The following TBC1D5 variants were observed in gnomAD, a reference collection of about 807,000 sequenced individuals.
TBC1D5 encodes TBC1 domain family member 5.
TBC1D5 carries 75 observed loss-of-function variants against 100.3 expected under a neutral mutation model. The ratio of observed to expected loss-of-function variants is 0.75; its 90% confidence interval spans 0.62 to 0.91. The LOEUF is 0.91. TBC1D5 is among the 40% of genes least tolerant of loss of function. The probability of loss-of-function intolerance (pLI) is 0.00; values close to 1 mark genes in which losing one functional copy is unlikely to be tolerated. For synonymous variants in TBC1D5, 323 were observed against 325.6 expected (o/e 0.99, Z 0.09); for missense variants, 910 against 942.4 (o/e 0.97, Z 0.45).
intron 1 of TBC1D5, among the ~76,000 whole-genome samples, chr3:17,735,566 G>A (rs2076897916): frequency 6.6e-6 from 1 of 152,212 alleles, no homozygotes; most frequent in Admixed American, 6.5e-5. Context: ...TCCAAGGAAT[G>A]GAACCTTGGG....
intron 1 of TBC1D5, among the ~76,000 whole-genome samples, chr3:17,636,635 A>C (rs1224839913): frequency 6.6e-6 from 1 of 151,848 alleles, no homozygotes; most frequent in African/African-American, 2.4e-5. Context: ...ACTAAAAATA[A>C]AAAATAAAAA....
intron 16 of TBC1D5, among the ~76,000 whole-genome samples, chr3:17,242,105 T>C (rs995700179): frequency 1.3e-5 from 2 of 152,216 alleles, no homozygotes; most frequent in African/African-American, 4.8e-5. Context: ...ACTTGATGTC[T>C]TGCAGCCTGG....
exon 22 of TBC1D5, chr3:17,160,055 T>A (rs79858279): frequency 6.8e-6 from 1 of 146,336 alleles, no homozygotes; most frequent in African/African-American, 2.4e-5. Context: ...AAACTGACTG[T>A]CTGAAAGATG....
intron 9 of TBC1D5, among the ~76,000 whole-genome samples, chr3:17,379,742 AC>A (rs1396221582): frequency 6.6e-6 from 1 of 152,068 alleles, no homozygotes; most frequent in Admixed American, 6.6e-5. Context: ...TTATACATAC[AC>A]CTGTATGACA....
intron 2 of TBC1D5, among the ~76,000 whole-genome samples, chr3:17,538,750 G>C (rs2153414285): frequency 6.6e-6 from 1 of 152,262 alleles, no homozygotes; most frequent in Admixed American, 6.5e-5. Flanking sequence ...CTAAAGACTA[G>C]AAACCCAGTC....
At chr3:17,267,026 C>T (rs2078917822) in intron 15 of TBC1D5, among the ~76,000 whole-genome samples, 1 of 152,104 alleles carries the variant, frequency 6.6e-6, no homozygotes, top group African/African-American at 2.4e-5. Context: ...ACCCAATTCC[C>T]TAAAGTGACA....
chr3:17,497,067 CTT>C (rs1274720888), intron 3 of TBC1D5, among the ~76,000 whole-genome samples: 20 of 142,252 alleles, frequency 1.4e-4, no homozygotes, highest in East Asian at 4.1e-4. Flanking sequence ...CTCTCTCTCT[CTT>C]TCTTTCTCTC....
chr3:17,583,140 C>A (rs2096710406), intron 2 of TBC1D5, among the ~76,000 whole-genome samples: 1 of 151,610 alleles, frequency 6.6e-6, no homozygotes. Flanking sequence ...CAAAAATTAG[C>A]CAGGTATGGT....
chr3:17,206,233 A>AT (rs921641763), intron 18 of TBC1D5, among the ~76,000 whole-genome samples: 2 of 151,920 alleles, frequency 1.3e-5, no homozygotes, highest in Non-Finnish European at 2.9e-5. Context: ...ATCTAACACC[A>AT]TTTTTTTACT....
chr3:17,531,300 G>C (rs552541553), intron 2 of TBC1D5, among the ~76,000 whole-genome samples: 222 of 152,232 alleles, frequency 1.5e-3, no homozygotes, highest in African/African-American at 5.2e-3. Context: ...CTTCTTCAAG[G>C]AGAACTACAA....
chr3:17,191,679 T>G (rs1055620953), intron 18 of TBC1D5, among the ~76,000 whole-genome samples: 1 of 152,144 alleles, frequency 6.6e-6, no homozygotes, highest in African/African-American at 2.4e-5. Context: ...TGCAGTGGTG[T>G]GATCTTGGCT....
rs952878968 is a variant in TBC1D5, at chr3:17,673,483, G to T, written c.-100-49570C>A. 5.1e-5 allele frequency among the ~76,000 whole-genome samples: 6 copies of T among 118,156 alleles called. No individual in the cohort carries two copies. In the Admixed American group the frequency reaches 6.0e-4, roughly 12 times the overall value. 77.5% of individuals were successfully genotyped at this position (118,156 alleles called of 152,430 possible). ...GTGCCACCATGCCCAGATAATGTTTGTATTTTTTTTTTTGCAGAGTGAGGG... is the reference window on the plus strand; with the variant it reads ...GTGCCACCATGCCCAGATAATGTTTTTATTTTTTTTTTTGCAGAGTGAGGG... On this transcript the variant is annotated intron_variant, in intron 1 of 21. Transcript: ENST00000253692.
intron 15 of TBC1D5, among the ~76,000 whole-genome samples, chr3:17,288,029 T>C (rs548378480): frequency 4.6e-5 from 7 of 152,358 alleles, no homozygotes; most frequent in Admixed American, 2.0e-4. Context: ...CTCTGATCTA[T>C]GTGATTCAGG....
At chr3:17,449,669 G>A (rs1004557278) in intron 3 of TBC1D5, among the ~76,000 whole-genome samples, 1 of 152,180 alleles carries the variant, frequency 6.6e-6, no homozygotes. Context: ...CTGTAGCCAG[G>A]CTGCTTCTCT....
chr3:17,180,994 A>G (rs1559362840), intron 19 of TBC1D5, among the ~76,000 whole-genome samples: 3 of 152,098 alleles, frequency 2.0e-5, no homozygotes, highest in Admixed American at 6.5e-5. Context: ...TTGCGAAAAT[A>G]ATTAACATTA....
chr3:17,713,489 G>A (rs778251982), intron 1 of TBC1D5, among the ~76,000 whole-genome samples: 23 of 152,090 alleles, frequency 1.5e-4, no homozygotes, highest in African/African-American at 3.6e-4. Flanking sequence ...TGATCCGCCC[G>A]CCTTGGCCTC....
At chr3:17,376,017 C>T (rs996270953) in intron 10 of TBC1D5, among the ~76,000 whole-genome samples, 2 of 152,056 alleles carry the variant, frequency 1.3e-5, no homozygotes, top group African/African-American at 4.8e-5. Context: ...AATCCAATTA[C>T]AAAAGTTATT....
At chr3:17,624,622 CT>C (rs2062914906) in intron 1 of TBC1D5, among the ~76,000 whole-genome samples, 2 of 152,018 alleles carry the variant, frequency 1.3e-5, no homozygotes, top group South Asian at 4.1e-4. Flanking sequence ...TTACAAAAGG[CT>C]TTCTTTTACT....
Position 17,633,855 on chromosome 3 carries a change from G to A in TBC1D5, c.-100-9942C>T, listed in dbSNP as rs192641640. Among the ~76,000 whole-genome samples the A allele has an allele frequency of 1.2e-3, 190 of 152,100 alleles. 2 individuals carry two copies. Among genetic ancestry groups the A allele is most frequent in the Admixed American group, 8.9e-3 (136 of 15,276 alleles). ...AACCCTTCTAGGAACTCCAAATTTC[G>A]TGTTTTACTATTCCTGGGAATAGTT... On this transcript the variant is annotated intron_variant, in intron 1 of 21. Coordinates refer to ENST00000253692, the Ensembl canonical transcript of TBC1D5.
Sources: allele counts gnomAD v4.1 joint callset (sites outside exome capture counted in the v4.1 genomes callset), GRCh38; gene constraint gnomAD v4.1.1; transcripts MANE v1.5; gene names NCBI Gene and HGNC (gene_info 2026-07-23, HGNC 2026-07-21).